CMSS1: variants seen among roughly 807,000 people sequenced by gnomAD.
CMSS1 encodes cms1 ribosomal small subunit homolog.
Under a neutral mutation model 43.5 loss-of-function variants are expected in CMSS1, and 33 were observed. The ratio of observed to expected loss-of-function variants is 0.76; its 90% CI spans 0.57 to 1.01. The LOEUF (loss-of-function observed/expected upper bound fraction) is 1.01, where lower values mean the gene tolerates loss of function less well. CMSS1 is among the 50% of genes least tolerant of loss of function. CMSS1 has a pLI of 0.00. For synonymous variants in CMSS1, 115 were observed against 117.2 expected, an observed-to-expected ratio of 0.98 and a Z score of 0.12; for missense variants, 313 against 326.4, an observed-to-expected ratio of 0.96 and a Z score of 0.32.
Position 100,171,821 on chromosome 3 carries a change from C to T in CMSS1, c.519-18C>T, listed in dbSNP as rs753867068. On this transcript the variant is annotated intron_variant, in intron 6 of 9. Transcript: ENST00000421999. ...ATGAGTTGGTTTTCTTAAGCATTCA[C>T]CTGCTTCTTTTCATTAGGTCGATGA... 4.3e-6 allele frequency: 7 copies of T among 1,611,346 alleles called. No homozygotes were observed. The highest frequency in any genetic ancestry group is 5.9e-6 in the Non-Finnish European group (7 of 1,177,736).
chr3:100,042,346 C>A (rs1026554643), intron 1 of CMSS1, among the ~76,000 whole-genome samples: 5 of 150,778 alleles, frequency 3.3e-5, no homozygotes, highest in Non-Finnish European at 6.0e-5. Flanking sequence ...AACAAAAAAA[C>A]ATTGGCTCTG....
chr3:100,004,763 G>A (rs563344654), intron 1 of CMSS1, among the ~76,000 whole-genome samples: 19 of 152,290 alleles, frequency 1.2e-4, no homozygotes, highest in African/African-American at 4.6e-4. Flanking sequence ...GTGGAAGCAC[G>A]TAATGTCATC....
In CMSS1 at chr3:100,115,575, G is replaced by GTCTC. The variant is rs66793218; in HGVS notation, c.65-31348_65-31345dup. Among the ~76,000 whole-genome samples the GTCTC allele has an allele frequency of 3.2e-3, 317 of 97,930 alleles. 2 individuals carry two copies. Among genetic ancestry groups the GTCTC allele is most frequent in the East Asian group, 0.013 (33 of 2,556 alleles). 64.2% of individuals were successfully genotyped at this position (97,930 alleles called of 152,430 possible). A position where few individuals can be genotyped will look rare whatever the true frequency, so the allele number is the denominator to read the frequency against. ...TTTCTCTTTCTCTCTCTCTCTCTCT[G>GTCTC]TCTCTCTCTCTCTCTCTCTCTCTCT... On this transcript the variant is annotated intron_variant, in intron 1 of 9. Transcript: ENST00000421999.
chr3:100,139,529 A>ATGTGTGTGTG (rs201315535), intron 1 of CMSS1, among the ~76,000 whole-genome samples: 120 of 129,356 alleles, frequency 9.3e-4, no homozygotes, highest in East Asian at 6.1e-3. Flanking sequence ...TAAAAAAAAA[A>ATGTGTGTGTG]TGTGTGTGTG....
At chr3:100,153,533 G>A (rs970265052) in intron 2 of CMSS1, among the ~76,000 whole-genome samples, 9 of 152,302 alleles carry the variant, frequency 5.9e-5, no homozygotes, top group African/African-American at 2.2e-4. Context: ...CCCTTCACTT[G>A]CAGATGGCCT....
At chr3:99,956,548 C>T (rs925252383) in intron 1 of CMSS1, among the ~76,000 whole-genome samples, 1 of 152,140 alleles carries the variant, frequency 6.6e-6, no homozygotes, top group Admixed American at 6.6e-5. Context: ...GGTTTCACCA[C>T]GTTGGCCAGG....
chr3:100,166,929 G>A (rs978412057), intron 5 of CMSS1, among the ~76,000 whole-genome samples: 2 of 151,524 alleles, frequency 1.3e-5, no homozygotes, highest in Non-Finnish European at 2.9e-5. Flanking sequence ...ATTATTTTTG[G>A]TAGAGACAGG....
chr3:99,819,364 A>C (rs986231930), intron 1 of CMSS1, among the ~76,000 whole-genome samples: 1 of 152,208 alleles, frequency 6.6e-6, no homozygotes, highest in Non-Finnish European at 1.5e-5. Context: ...TGAGTGGTGA[A>C]GGGGATCCCA....
intron 1 of CMSS1, among the ~76,000 whole-genome samples, chr3:99,953,253 A>G (rs1035814690): frequency 6.6e-6 from 1 of 152,108 alleles, no homozygotes; most frequent in Non-Finnish European, 1.5e-5. Context: ...GCTATAACCA[A>G]TCGTTTCTTT....
chr3:99,871,508 G>A (rs550135355), intron 1 of CMSS1, among the ~76,000 whole-genome samples: 2 of 152,264 alleles, frequency 1.3e-5, no homozygotes, highest in African/African-American at 4.8e-5. Context: ...AATCATTAAT[G>A]AGTAATTTAA....
At chr3:100,039,041 G>A (rs1195520394) in intron 1 of CMSS1, among the ~76,000 whole-genome samples, 1 of 152,104 alleles carries the variant, frequency 6.6e-6, no homozygotes, top group Non-Finnish European at 1.5e-5. Flanking sequence ...CATTAATTCA[G>A]CAATAACAGA....
intron 9 of CMSS1, among the ~76,000 whole-genome samples, chr3:100,176,920 G>GA (rs2067152267): frequency 6.6e-6 from 1 of 152,134 alleles, no homozygotes; most frequent in Non-Finnish European, 1.5e-5. Flanking sequence ...AGAATTGAAT[G>GA]ACCGAATGCA....
Position 99,830,357 on chromosome 3 carries a change from T to G in CMSS1, c.64+12314T>G. 8.2e-6 allele frequency: 3 copies of G among 364,538 alleles called. No individual in the cohort carries two copies. The East Asian group carries it at 2.2e-4, about 27-fold the overall frequency. The allele number at this position is 364,538 out of a possible 1,614,324, so 22.6% of individuals were successfully genotyped here. On this transcript the variant is annotated intron_variant, in intron 1 of 9. Coordinates refer to ENST00000421999, the MANE Select transcript of CMSS1 (RefSeq NM_032359.4). ...TCCTTTGGCCTTTCATAGTGGTAATTTTAGCTTTCCACATATTTCTGTAGA... is the reference window on the plus strand; with the variant it reads ...TCCTTTGGCCTTTCATAGTGGTAATGTTAGCTTTCCACATATTTCTGTAGA...
At chr3:100,090,241 T>C (rs1452389935) in intron 1 of CMSS1, among the ~76,000 whole-genome samples, 1 of 152,220 alleles carries the variant, frequency 6.6e-6, no homozygotes, top group African/African-American at 2.4e-5. Flanking sequence ...TGTTTGCTAT[T>C]GTTTTCTTCA....
chr3:100,078,341 T>G (rs1430863506), intron 1 of CMSS1, among the ~76,000 whole-genome samples: 7 of 152,224 alleles, frequency 4.6e-5, no homozygotes, highest in Admixed American at 2.0e-4. Context: ...TGCCTAATTT[T>G]TTTTTCTGTT....
chr3:100,153,874 G>A (rs1416119375), intron 2 of CMSS1, among the ~76,000 whole-genome samples: 13 of 146,044 alleles, frequency 8.9e-5, no homozygotes, highest in Non-Finnish European at 1.6e-4. Flanking sequence ...TTTTTAAGAT[G>A]GAGTCTTGCT....
At chr3:99,895,892 T>C (rs887095801) in intron 1 of CMSS1, among the ~76,000 whole-genome samples, 1 of 152,186 alleles carries the variant, frequency 6.6e-6, no homozygotes, top group Non-Finnish European at 1.5e-5. Context: ...TGTTGATGTT[T>C]GGTCAGGGCT....
intron 1 of CMSS1, among the ~76,000 whole-genome samples, chr3:99,985,680 C>T (rs1235466083): frequency 6.6e-6 from 1 of 151,974 alleles, no homozygotes; most frequent in Non-Finnish European, 1.5e-5. Context: ...CCTCCGTCTC[C>T]TGGGTTCAAG....
At chr3:100,176,266 A>T in intron 8 of CMSS1, 61 bp from the exon 9 acceptor site, 1 of 1,163,218 alleles carries the variant, frequency 8.6e-7, no homozygotes, top group Non-Finnish European at 1.3e-6. Flanking sequence ...ATAAAAAATC[A>T]TTTTAATAAG....
Sources: allele counts gnomAD v4.1 joint callset (sites outside exome capture counted in the v4.1 genomes callset), GRCh38; gene constraint gnomAD v4.1.1; transcripts MANE v1.5; gene names NCBI Gene and HGNC (gene_info 2026-07-23, HGNC 2026-07-21).